Variants in ULBP1 observed in about 807,000 individuals in gnomAD.
ULBP1 encodes UL16-binding protein 1.
ULBP1 carries 28 observed loss-of-function variants against 25.3 expected under a neutral mutation model. The ratio of observed to expected loss-of-function variants is 1.10; its 90% confidence interval spans 0.82 to 1.51. The LOEUF is 1.51. Ranked by LOEUF, ULBP1 falls within the 40% of genes most tolerant of loss-of-function variation. The probability of loss-of-function intolerance (pLI) is 0.00; values close to 1 mark genes in which losing one functional copy is unlikely to be tolerated. For synonymous variants in ULBP1, 129 were observed against 103.0 expected, an observed-to-expected ratio of 1.25 and a Z score of -1.53; for missense variants, 348 against 290.9, an observed-to-expected ratio of 1.20 and a Z score of -1.43.
At position 149,973,520 on chromosome 6, in the gene ULBP1, G is replaced by A. The variant is rs531003812; in HGVS notation, c.*2174G>A. On this transcript the variant is annotated 3_prime_UTR_variant, in exon 5 of 5. Transcript: ENST00000229708. ...AAATGACACAAGGCCAAAAACAAAT[G>A]GGTTTAACTGACCAGAGCGAGAGAA... 2.0e-5 allele frequency: 3 copies of A among 152,204 alleles called. No individual in the cohort carries two copies. The South Asian group carries it at 6.2e-4, about 32-fold the overall frequency. 9.4% of individuals were successfully genotyped at this position (152,204 alleles called of 1,614,324 possible). A position where few individuals can be genotyped will look rare whatever the true frequency, so the allele number is the denominator to read the frequency against.
chr6:149,969,880 TC>T, intron 3 of ULBP1, 135 bp from the exon 4 acceptor site: 1 of 1,182,462 alleles, frequency 8.5e-7, no homozygotes, highest in East Asian at 2.6e-5. Flanking sequence ...CCAAGACTTG[TC>T]CCAGAGGTTG....
rs946863043 is a variant in ULBP1 at position 149,964,022 on chromosome 6, C to T, written c.-28C>T. On this transcript the variant is annotated 5_prime_UTR_variant, in exon 1 of 5. Transcript: ENST00000229708. ...GAGCCTCGAAGGGAACCATCAGCGC[C>T]TCCTGTCCACGGAGCTCCAGGTCTA... The T allele has an allele frequency of 3.1e-6, 5 of 1,612,768 alleles. No individual in the cohort carries two copies. The African/African-American group carries it at 6.7e-5, about 22-fold the overall frequency.
Position 149,970,134 on chromosome 6 carries a change from G to T in ULBP1, c.*9G>T. 6.3e-7 allele frequency: 1 copy of T among 1,596,598 alleles called. No individual in the cohort carries two copies. Among genetic ancestry groups the T allele is most frequent in the Non-Finnish European group, 8.5e-7 (1 of 1,171,242 alleles). On this transcript the variant is annotated 3_prime_UTR_variant, in exon 4 of 5. Coordinates refer to ENST00000229708, the MANE Select transcript of ULBP1 (RefSeq NM_025218.4). ...TTCTAGCTGGCAGATGAGGAGAGTT[G>T]TTTAGAGTGACAGGTACTGTGGGCA...
rs766685927 is a variant in ULBP1, at chr6:149,968,725, C to A, written c.204C>A (p.Asn68Lys). ...CTTTTCTTCACTATGACTGTGTTAA[C>A]CACAAGGCCAAAGCCTTTGCTTCTC... ...ERPFLHYDCV[N>K]HKAKAFASLG... Residue 68 changes from asparagine to lysine, a missense_variant, in exon 2 of 5, where the codon AAC becomes AAA. Physicochemically the swap from Asn to Lys is moderately conservative, Grantham distance 94. Transcript: ENST00000229708. 4 of 1,614,122 alleles carry A rather than the reference C, an allele frequency of 2.5e-6. No individual in the cohort carries two copies. The Admixed American group carries it at 6.7e-5, about 27-fold the overall frequency.
Position 149,970,094 on chromosome 6 carries a change from T to C in ULBP1, c.704T>C (p.Ile235Thr). 1.2e-6 allele frequency: 2 copies of C among 1,612,638 alleles called. No homozygotes were observed. Among genetic ancestry groups the C allele is most frequent in the Non-Finnish European group, 1.7e-6 (2 of 1,179,380 alleles). ...CTCAGTCCCTGGAGCCTTCTCATCATCTTCCTCTGCTTCATTCTAGCTGGC... is the reference window on the plus strand; with the variant it reads ...CTCAGTCCCTGGAGCCTTCTCATCACCTTCCTCTGCTTCATTCTAGCTGGC... ...TTLSPWSLLI[I>T]FLCFILAGR is the part of the protein sequence containing the mutation. Residue 235 changes from isoleucine (I) to threonine (T), a missense_variant, in exon 4 of 5, where the codon ATC (isoleucine) becomes ACC (threonine). Ile to Thr is a moderately conservative substitution (Grantham distance 89). Coordinates refer to ENST00000229708, the MANE Select transcript of ULBP1 (RefSeq NM_025218.4).
At chr6:149,966,576 G>A (rs940042258) in intron 1 of ULBP1, among the ~76,000 whole-genome samples, 18 of 151,822 alleles carry the variant, frequency 1.2e-4, no homozygotes, top group African/African-American at 1.7e-4. Flanking sequence ...CCTGGGGATC[G>A]GGGCCAACTG....
At chr6:149,966,090 A>T (rs1779200753) in intron 1 of ULBP1, among the ~76,000 whole-genome samples, 6 of 152,102 alleles carry the variant, frequency 3.9e-5, no homozygotes, top group Admixed American at 3.9e-4. Context: ...AGCCAGGGTC[A>T]TATAGAATAG....
At position 149,967,110 on chromosome 6, in the gene ULBP1, G is replaced by C. The variant is rs563947321; in HGVS notation, c.86-1497G>C. 2.0e-5 allele frequency among the ~76,000 whole-genome samples: 3 copies of C among 152,288 alleles called. No homozygotes were observed. The South Asian group carries it at 6.2e-4, about 32-fold the overall frequency. The stretch of plus-strand genomic sequence containing the variant: ...TAACTACAAACACTATCCATTCCCG[G>C]TAGAAATCCAGGAAATGTGAAATTA... On this transcript the variant is annotated intron_variant, in intron 1 of 4. Coordinates refer to ENST00000229708, the MANE Select transcript of ULBP1 (RefSeq NM_025218.4).
At position 149,968,699 on chromosome 6, in the gene ULBP1, C is replaced by G. The variant is rs1254715321; in HGVS notation, c.178C>G (p.Pro60Ala). 1 of 1,614,100 alleles carries G rather than the reference C, an allele frequency of 6.2e-7. No homozygotes were observed. Among genetic ancestry groups the G allele is most frequent in the Non-Finnish European group, 8.5e-7 (1 of 1,180,046 alleles). ...AGTTCAAGGCCTGGTGGATGAAAGG[C>G]CTTTTCTTCACTATGACTGTGTTAA... ...CEVQGLVDER[P>A]FLHYDCVNHK... Residue 60 changes from proline to alanine, a missense_variant, in exon 2 of 5, where the codon CCT (proline) becomes GCT (alanine). Physicochemically the swap from Pro to Ala is conservative, Grantham distance 27. Coordinates refer to ENST00000229708, the MANE Select transcript of ULBP1 (RefSeq NM_025218.4).
intron 1 of ULBP1, 53 bp from the exon 2 acceptor site, chr6:149,968,554 T>A: frequency 6.4e-7 from 1 of 1,565,242 alleles, no homozygotes; most frequent in Non-Finnish European, 8.7e-7. Flanking sequence ...GAGGAGGGGA[T>A]ACAGGTTCCA....
At chr6:149,967,954 A>T (rs1562494214) in intron 1 of ULBP1, among the ~76,000 whole-genome samples, 2 of 151,960 alleles carry the variant, frequency 1.3e-5, no homozygotes, top group Admixed American at 6.6e-5. Context: ...GTTGTTCTGG[A>T]TTTTCATATT....
At position 149,968,707 on chromosome 6, in the gene ULBP1, T is replaced by A; in HGVS notation, c.186T>A (p.Leu62=). 6.2e-7 allele frequency: 1 copy of A among 1,614,236 alleles called. No individual in the cohort carries two copies. The change falls in exon 2 of 5, where the codon CTT becomes CTA. Residue 62 remains leucine, a synonymous_variant. Coordinates refer to ENST00000229708, the MANE Select transcript of ULBP1 (RefSeq NM_025218.4). ...VQGLVDERPF[L]HYDCVNHKAK... ...GCCTGGTGGATGAAAGGCCTTTTCT[T>A]CACTATGACTGTGTTAACCACAAGG...
chr6:149,969,404 C>G, intron 3 of ULBP1, 44 bp downstream of exon 3: 1 of 1,596,352 alleles, frequency 6.3e-7, no homozygotes, highest in East Asian at 2.2e-5. Flanking sequence ...GAGTTCAGAT[C>G]TTATCAGCTG....
intron 3 of ULBP1, 117 bp downstream of exon 3, chr6:149,969,477 G>A: frequency 7.0e-7 from 1 of 1,433,126 alleles, no homozygotes; most frequent in Non-Finnish European, 9.5e-7. Flanking sequence ...CCCCCTCATG[G>A]GGGGCTCCTC....
chr6:149,964,245 T>A, intron 1 of ULBP1, 111 bp downstream of exon 1: 2 of 1,211,530 alleles, frequency 1.7e-6, no homozygotes, highest in Non-Finnish European at 2.3e-6. Flanking sequence ...GCGATCTCCC[T>A]GAACGAACAT....
At chr6:149,969,681 C>T (rs533464309) in intron 3 of ULBP1, among the ~76,000 whole-genome samples, 20 of 152,308 alleles carry the variant, frequency 1.3e-4, no homozygotes, top group African/African-American at 4.6e-4. Flanking sequence ...TTTCCTCTCC[C>T]CTCATCGGTT....
At chr6:149,967,146 G>GTAATTTC (rs1779218204) in intron 1 of ULBP1, among the ~76,000 whole-genome samples, 1 of 152,150 alleles carries the variant, frequency 6.6e-6, no homozygotes, top group African/African-American at 2.4e-5. Flanking sequence ...CCATCGAATG[G>GTAATTTC]GTCTATGAAC....
chr6:149,972,117 G>A lies in ULBP1; in HGVS notation c.*771G>A, dbSNP rs544383418. ...ATTACAGACATGAACCACAGTGCCT[G>A]TTGTAGAAATTTTTAATTATTTAAT... On this transcript the variant is annotated 3_prime_UTR_variant, in exon 5 of 5. Coordinates refer to ENST00000229708, the MANE Select transcript of ULBP1 (RefSeq NM_025218.4). 1 of 152,112 alleles carries A rather than the reference G, an allele frequency of 6.6e-6. No homozygotes were observed. The highest frequency in any genetic ancestry group is 1.5e-5 in the Non-Finnish European group (1 of 68,038). The allele number at this position is 152,112 out of a possible 1,614,324, so 9.4% of individuals were successfully genotyped here. A position where few individuals can be genotyped will look rare whatever the true frequency, so the allele number is the denominator to read the frequency against.
In ULBP1 at chr6:149,973,412, C is replaced by T. The variant is rs116605216; in HGVS notation, c.*2066C>T. 82 of 152,304 alleles carry T rather than the reference C, an allele frequency of 5.4e-4. No homozygotes were observed. Among genetic ancestry groups the T allele is most frequent in the Admixed American group, 1.9e-3 (29 of 15,298 alleles). The allele number at this position is 152,304 out of a possible 1,614,324, so 9.4% of individuals were successfully genotyped here. A position where few individuals can be genotyped will look rare whatever the true frequency, so the allele number is the denominator to read the frequency against. ...GGATCATTGGGACACCAAGCCTCAG[C>T]TTCTCAAATTCTACCCATGTAACAA... On this transcript the variant is annotated 3_prime_UTR_variant, in exon 5 of 5. Transcript: ENST00000229708.
Sources: gnomAD v4.1 joint callset for allele counts (sites outside exome capture counted in the v4.1 genomes callset) on GRCh38, gnomAD v4.1.1 for gene constraint, MANE v1.5 for transcripts, NCBI Gene and HGNC (gene_info 2026-07-23, HGNC 2026-07-21) for gene names.